The following MAP7 variants were observed in gnomAD, a reference collection of about 807,000 sequenced individuals.
MAP7 encodes microtubule associated protein 7.
A neutral mutation model predicts 94.8 loss-of-function variants in MAP7; 52 were observed. The ratio of observed to expected loss-of-function variants is 0.55; its 90% confidence interval spans 0.44 to 0.69. The LOEUF (loss-of-function observed/expected upper bound fraction) is 0.69. MAP7 is among the 30% of genes least tolerant of loss of function. The pLI is 0.00. For synonymous variants in MAP7, 350 were observed against 357.0 expected, an observed-to-expected ratio of 0.98 and a Z score of 0.22; for missense variants, 940 against 964.6, an observed-to-expected ratio of 0.97 and a Z score of 0.34.
chr6:136,433,198 GC>G (rs1259684828), intron 1 of MAP7, among the ~76,000 whole-genome samples: 1 of 151,990 alleles, frequency 6.6e-6, no homozygotes, highest in African/African-American at 2.4e-5. Flanking sequence ...TTACTCTTCT[GC>G]CCCTTTCTTT....
chr6:136,481,101 T>C (rs1249236236), intron 1 of MAP7, among the ~76,000 whole-genome samples: 1 of 152,140 alleles, frequency 6.6e-6, no homozygotes, highest in African/African-American at 2.4e-5. Flanking sequence ...ATGGCTTTTA[T>C]CCAAAAGTCA....
chr6:136,358,303 C>G (rs968881803), intron 15 of MAP7, among the ~76,000 whole-genome samples: 2 of 152,146 alleles, frequency 1.3e-5, no homozygotes, highest in African/African-American at 4.8e-5. Context: ...CAGCATTAGC[C>G]CCTCAAATAA....
chr6:136,493,121 C>CTTTTTTTTTT (rs397795796), intron 1 of MAP7, among the ~76,000 whole-genome samples: 17 of 123,322 alleles, frequency 1.4e-4, no homozygotes, highest in African/African-American at 4.9e-4. Context: ...TTCTTCTTTC[C>CTTTTTTTTTT]TTTTTTTTTT....
chr6:136,413,515 C>T (rs1788183411), intron 2 of MAP7, among the ~76,000 whole-genome samples: 1 of 146,722 alleles, frequency 6.8e-6, no homozygotes, highest in Non-Finnish European at 1.5e-5. Context: ...CAGAGCGAGA[C>T]ACCGTCTCAG....
intron 1 of MAP7, chr6:136,466,938 G>GGAGA: frequency 7.1e-7 from 1 of 1,404,354 alleles, no homozygotes; most frequent in African/African-American, 1.4e-5. Context: ...TAGCTCAAGA[G>GGAGA]GAGAGCAAAG....
chr6:136,456,380 G>C (rs1266598591), intron 1 of MAP7, among the ~76,000 whole-genome samples: 1 of 152,024 alleles, frequency 6.6e-6, no homozygotes, highest in Non-Finnish European at 1.5e-5. Context: ...ACATTAAAAA[G>C]AAAGAAAAAG....
At chr6:136,455,269 A>C (rs1802542692) in intron 1 of MAP7, among the ~76,000 whole-genome samples, 1 of 152,186 alleles carries the variant, frequency 6.6e-6, no homozygotes. Context: ...TAAAAGAGTC[A>C]TTTCACCAGG....
chr6:136,383,904 T>TA (rs1225403583), intron 5 of MAP7, 123 bp from the exon 6 acceptor site: 1 of 624,236 alleles, frequency 1.6e-6, no homozygotes, highest in East Asian at 3.2e-5. Flanking sequence ...TCTGTCATAA[T>TA]AACACAGTTT....
chr6:136,505,277 G>GTATATATATATATATATATATATATA (rs56764706), intron 1 of MAP7, among the ~76,000 whole-genome samples: 4 of 53,832 alleles, frequency 7.4e-5, no homozygotes, highest in Admixed American at 4.6e-4. Context: ...GTGTGTGTGT[G>GTATATATATATATATATATATATATA]TATATATATA....
At chr6:136,494,468 T>G (rs767224733) in intron 1 of MAP7, among the ~76,000 whole-genome samples, 2 of 152,206 alleles carry the variant, frequency 1.3e-5, no homozygotes, top group African/African-American at 4.8e-5. Flanking sequence ...GAAATACTTG[T>G]GCAGAAAAAT....
intron 3 of MAP7, among the ~76,000 whole-genome samples, chr6:136,392,373 C>T (rs1781026544): frequency 6.7e-6 from 1 of 149,960 alleles, no homozygotes; most frequent in Non-Finnish European, 1.5e-5. Flanking sequence ...GCCACCGCAC[C>T]CAGCCTGCAT....
intron 16 of MAP7, among the ~76,000 whole-genome samples, chr6:136,349,500 C>T (rs1012805861): frequency 3.3e-5 from 5 of 152,186 alleles, no homozygotes; most frequent in African/African-American, 7.2e-5. Context: ...CAGCCTCCCG[C>T]GTATCTGGGA....
chr6:136,469,829 A>C (rs1236114265), intron 1 of MAP7, among the ~76,000 whole-genome samples: 2 of 152,244 alleles, frequency 1.3e-5, no homozygotes, highest in African/African-American at 4.8e-5. Flanking sequence ...AGTCAAGATC[A>C]CACAATAATC....
intron 1 of MAP7, among the ~76,000 whole-genome samples, chr6:136,482,611 A>AG (rs2128967952): frequency 6.6e-6 from 1 of 151,984 alleles, no homozygotes; most frequent in East Asian, 2.0e-4. Context: ...AAAAAAAAAA[A>AG]AAACAGACGC....
intron 17 of MAP7, among the ~76,000 whole-genome samples, chr6:136,345,250 A>C (rs939126481): frequency 7.9e-5 from 12 of 152,236 alleles, no homozygotes; most frequent in Non-Finnish European, 8.8e-5. Flanking sequence ...TAAGAAAGTC[A>C]CAGGCAGTTT....
chr6:136,416,168 A>G (rs1178681011), intron 2 of MAP7, among the ~76,000 whole-genome samples: 1 of 152,212 alleles, frequency 6.6e-6, no homozygotes, highest in Non-Finnish European at 1.5e-5. Flanking sequence ...GTAGAAAAGG[A>G]TATTCAATAA....
chr6:136,501,688 C>A (rs951384203), intron 1 of MAP7, among the ~76,000 whole-genome samples: 1 of 152,228 alleles, frequency 6.6e-6, no homozygotes, highest in African/African-American at 2.4e-5. Context: ...ACTTAAGTTA[C>A]GCAATGATCA....
intron 16 of MAP7, among the ~76,000 whole-genome samples, chr6:136,354,427 AT>A (rs995644757): frequency 2.1e-5 from 3 of 143,902 alleles, no homozygotes; most frequent in African/African-American, 7.7e-5. Flanking sequence ...AAAAATATAT[AT>A]AGTAGATATA....
chr6:136,487,852 C>T (rs1815258308), intron 1 of MAP7, among the ~76,000 whole-genome samples: 1 of 152,108 alleles, frequency 6.6e-6, no homozygotes, highest in Non-Finnish European at 1.5e-5. Flanking sequence ...AATGATGGCA[C>T]AAAAGATGCT....
Sources: gnomAD v4.1 joint callset for allele counts (sites outside exome capture counted in the v4.1 genomes callset) on GRCh38, gnomAD v4.1.1 for gene constraint, MANE v1.5 for transcripts, NCBI Gene and HGNC (gene_info 2026-07-23, HGNC 2026-07-21) for gene names.